The following ATRX variants were observed in gnomAD, a reference collection of about 807,000 sequenced individuals.
The protein encoded by ATRX is ATRX chromatin remodeler.
A neutral mutation model predicts 172.6 loss-of-function variants in ATRX; 12 were observed. The observed-to-expected ratio is 0.07, with a 90% CI of 0.04 to 0.11. The LOEUF (loss-of-function observed/expected upper bound fraction) is 0.11, where lower values mean the gene tolerates loss of function less well. Ranked by LOEUF, ATRX falls within the 10% of genes least tolerant of loss-of-function variation. ATRX has a pLI of 1.00. For synonymous variants in ATRX, 674 were observed against 594.7 expected (o/e 1.13, Z -1.94); for missense variants, 1,368 against 1,767.4 (o/e 0.77, Z 4.05).
intron 22 of ATRX, among the ~76,000 whole-genome samples, chrX:77,610,253 C>A (rs1557093209): frequency 8.9e-6 from 1 of 111,996 alleles, no homozygotes; most frequent in Admixed American, 9.5e-5. Flanking sequence ...CTGGCCAGAA[C>A]CTCTAGAAAA....
chrX:77,742,550 C>T (rs1322308731), intron 1 of ATRX, among the ~76,000 whole-genome samples: 1 of 111,971 alleles, frequency 8.9e-6, no homozygotes, highest in Non-Finnish European at 1.9e-5. Flanking sequence ...TCAAGCGTGC[C>T]TCATCCAGGT....
intron 10 of ATRX, among the ~76,000 whole-genome samples, chrX:77,667,293 ATATGTG>A (rs1443041836): frequency 1.7e-5 from 1 of 60,589 alleles, no homozygotes; most frequent in African/African-American, 5.8e-5. Context: ...GGACGAATAA[ATATGTG>A]TGTGTGTGTG....
chrX:77,601,213 C>T (rs782496184), intron 22 of ATRX, among the ~76,000 whole-genome samples: 18 of 111,006 alleles, frequency 1.6e-4, no homozygotes, highest in Non-Finnish European at 3.0e-4. Context: ...CACCTGTAAT[C>T]ACAGCACTTT....
At chrX:77,635,006 G>A (rs909415116) in intron 16 of ATRX, among the ~76,000 whole-genome samples, 5 of 112,086 alleles carry the variant, frequency 4.5e-5, no homozygotes, top group Non-Finnish European at 3.8e-5. Flanking sequence ...ACGTGGCCGG[G>A]CACAGTGGCT....
Position 77,682,184 on chromosome X carries a change from T to A in ATRX, c.3072A>T (p.Glu1024Asp), listed in dbSNP as rs2148582213. Residue 1024 changes from glutamate to aspartate, a missense_variant, in exon 9 of 35, where the codon GAA becomes GAT. Glu to Asp is a conservative substitution (Grantham distance 45, BLOSUM62 2). Coordinates refer to ENST00000373344, the MANE Select transcript of ATRX (RefSeq NM_000489.6). ...DGTEKLPERE[E>D]ICHFPKGIKQ... Reference sequence around the variant, plus strand: ...TTATGCCCTTAGGAAAATGACAAATTTCTTCTCGCTCAGGTAACTTTTCAG... The same window carrying A: ...TTATGCCCTTAGGAAAATGACAAATATCTTCTCGCTCAGGTAACTTTTCAG... 8.3e-7 allele frequency: 1 copy of A among 1,211,309 alleles called. No homozygotes were observed. Among genetic ancestry groups the A allele is most frequent in the Non-Finnish European group, 1.1e-6 (1 of 895,200 alleles).
rs2148144963 is a variant in ATRX at position 77,599,557 on chromosome X, C to T, written c.5810G>A (p.Gly1937Glu). The T allele has an allele frequency of 1.7e-6, 2 of 1,209,221 alleles. No homozygotes were observed. Among genetic ancestry groups the T allele is most frequent in the African/African-American group, 1.8e-5 (1 of 57,073 alleles). The change falls in exon 25 of 35, where the codon GGG (glycine) becomes GAG (glutamate). Residue 1937 changes from glycine (G) to glutamate (E), a missense_variant. Coordinates refer to ENST00000373344, the MANE Select transcript of ATRX (RefSeq NM_000489.6). Reference protein sequence around the residue: ...YTKKKKKGKKGKKDSSSSGSG... With the variant: ...YTKKKKKGKKEKKDSSSSGSG... ...TCCACTTGAGCTACTATCTTTTTTC[C>T]CCTTTTTCCCTTTTTTCTTCTTTCT... is the stretch of plus-strand genomic sequence containing the variant.
chrX:77,549,996 A>C (rs1439892380), intron 30 of ATRX, among the ~76,000 whole-genome samples: 2 of 112,255 alleles, frequency 1.8e-5, no homozygotes, highest in Non-Finnish European at 3.8e-5. Flanking sequence ...AAATAAAATA[A>C]AATAAAAATA....
intron 30 of ATRX, among the ~76,000 whole-genome samples, chrX:77,535,900 T>G (rs782813964): frequency 8.5e-4 from 80 of 93,954 alleles, no homozygotes; most frequent in African/African-American, 3.0e-3. Context: ...TTTTTTTGTG[T>G]TTTTTTTTTT....
intron 19 of ATRX, among the ~76,000 whole-genome samples, chrX:77,624,366 C>CA (rs1569532266): frequency 9.2e-6 from 1 of 109,251 alleles, no homozygotes; most frequent in African/African-American, 3.3e-5. Context: ...GACTCCATCT[C>CA]AAAAAAAGAA....
At chrX:77,542,388 C>T (rs782562679) in intron 30 of ATRX, among the ~76,000 whole-genome samples, 3 of 111,823 alleles carry the variant, frequency 2.7e-5, no homozygotes, top group Non-Finnish European at 5.6e-5. Flanking sequence ...AATGGCCATA[C>T]TGACCAAAGT....
chrX:77,718,518 C>T (rs984457668), intron 1 of ATRX, among the ~76,000 whole-genome samples: 2 of 108,358 alleles, frequency 1.8e-5, no homozygotes, highest in Non-Finnish European at 3.8e-5. Flanking sequence ...GGACTACAGG[C>T]GCCCGCCACC....
chrX:77,508,201 T>TAAA lies in ATRX; in HGVS notation c.*147_*149dup. ...TCAGGAAGAAATGGTATGCCCTATT[T>TAAA]AAAAAAAAAAAAAGTAAAACTAATA... On this transcript the variant is annotated 3_prime_UTR_variant, in exon 35 of 35. Transcript: ENST00000373344. 1 of 550,751 alleles carries TAAA rather than the reference T, an allele frequency of 1.8e-6. No homozygotes were observed. Among genetic ancestry groups the TAAA allele is most frequent in the Admixed American group, 4.5e-5 (1 of 22,251 alleles). 45.4% of individuals were successfully genotyped at this position (550,751 alleles called of 1,213,427 possible).
At chrX:77,663,641 G>GC in intron 11 of ATRX, 83 bp from the exon 12 acceptor site, 3 of 834,383 alleles carry the variant, frequency 3.6e-6, no homozygotes, top group Non-Finnish European at 5.1e-6. Flanking sequence ...GACAACTACT[G>GC]CAACTTATGA....
chrX:77,705,456 C>CA (rs1294248975), intron 2 of ATRX, among the ~76,000 whole-genome samples: 1 of 112,400 alleles, frequency 8.9e-6, no homozygotes, highest in Non-Finnish European at 1.9e-5. Flanking sequence ...AGTGTGATGG[C>CA]AGCAGCCACT....
At chrX:77,698,490 T>C in intron 3 of ATRX, 84 bp downstream of exon 3, 2 of 872,985 alleles carry the variant, frequency 2.3e-6, no homozygotes, top group Non-Finnish European at 3.3e-6. Flanking sequence ...CTTCGACACA[T>C]ACATGTGTCC....
intron 22 of ATRX, chrX:77,616,289 T>C (rs1417877521): frequency 1.1e-6 from 1 of 899,525 alleles, no homozygotes; most frequent in African/African-American, 2.1e-5. Flanking sequence ...GGGTAAATAC[T>C]TTTTAAAAAA....
chrX:77,568,241 C>T (rs2065275521), intron 28 of ATRX, among the ~76,000 whole-genome samples: 1 of 109,812 alleles, frequency 9.1e-6, no homozygotes, highest in Non-Finnish European at 1.9e-5. Context: ...AAACCTCTAG[C>T]AAGACTAGTA....
intron 15 of ATRX, among the ~76,000 whole-genome samples, chrX:77,643,943 C>T (rs1397338610): frequency 2.7e-5 from 3 of 110,264 alleles, no homozygotes; most frequent in Non-Finnish European, 5.7e-5. Flanking sequence ...AAAAAAAAGC[C>T]TTCTTTTATT....
At position 77,682,150 on chromosome X, in the gene ATRX, T is replaced by C; in HGVS notation, c.3106A>G (p.Lys1036Glu). The C allele has an allele frequency of 8.3e-7, 1 of 1,211,426 alleles. No individual in the cohort carries two copies. The highest frequency in any genetic ancestry group is 1.8e-5 in the South Asian group (1 of 56,897). Reference protein sequence around the residue: ...CHFPKGIKQIKNGTTDGEKKS... With the variant: ...CHFPKGIKQIENGTTDGEKKS... ...TTTTCTCCATCAGTTGTTCCATTCT[T>C]AATTTGTTTTATGCCCTTAGGAAAA... is the stretch of plus-strand genomic sequence containing the variant. The change falls in exon 9 of 35, where the codon AAG (lysine) becomes GAG (glutamate). Residue 1036 changes from lysine (K) to glutamate (E), a missense_variant. Lys to Glu is a moderately conservative substitution (Grantham distance 56). Transcript: ENST00000373344.
Sources: gnomAD v4.1 joint callset for allele counts (sites outside exome capture counted in the v4.1 genomes callset) on GRCh38, gnomAD v4.1.1 for gene constraint, MANE v1.5 for transcripts, NCBI Gene and HGNC (gene_info 2026-07-23, HGNC 2026-07-21) for gene names.